HERC1: variants seen among roughly 807,000 people sequenced by gnomAD.
The protein encoded by HERC1 is probable E3 ubiquitin-protein ligase HERC1.
In HERC1, 160 loss-of-function variants were observed where a neutral mutation model predicts 554.3. The ratio of observed to expected loss-of-function variants is 0.29; its 90% CI spans 0.25 to 0.33. The LOEUF is 0.33. HERC1 is among the 10% of genes least tolerant of loss of function. The pLI, the probability that HERC1 is intolerant of heterozygous loss-of-function variation, is 1.00. For synonymous variants in HERC1, 2,175 were observed against 2,131.7 expected, an observed-to-expected ratio of 1.02 and a Z score of -0.56; for missense variants, 4,919 against 5,918.5, an observed-to-expected ratio of 0.83 and a Z score of 5.54.
At chr15:63,823,525 T>A (rs1194944642) in intron 1 of HERC1, among the ~76,000 whole-genome samples, 1 of 152,152 alleles carries the variant, frequency 6.6e-6, no homozygotes, top group East Asian at 1.9e-4. Flanking sequence ...AAAGAACAGA[T>A]CTAACTGGTG....
chr15:63,804,854 CA>C (rs1180654393), intron 1 of HERC1, among the ~76,000 whole-genome samples: 3 of 152,146 alleles, frequency 2.0e-5, no homozygotes, highest in Admixed American at 2.0e-4. Flanking sequence ...CACCATTAGT[CA>C]GTAGGGAAAT....
chr15:63,758,105 T>C lies in HERC1; in HGVS notation c.1221+70A>G. On this transcript the variant is annotated intron_variant, in intron 4 of 77. Coordinates refer to ENST00000443617, the MANE Select transcript of HERC1 (RefSeq NM_003922.4). The surrounding 1 kb of genome is among the most constrained non-coding windows in gnomAD (Gnocchi z 4.0). ...CACTCATTTAAAAAATACTCAGTAT[T>C]ATTTAATGCAAATAAGCATGAATAT... 1 of 1,092,140 alleles carries C rather than the reference T, an allele frequency of 9.2e-7. No individual in the cohort carries two copies. The highest frequency in any genetic ancestry group is 2.4e-5 in the East Asian group (1 of 41,804). The allele number at this position is 1,092,140 out of a possible 1,614,324, so 67.7% of individuals were successfully genotyped here.
At chr15:63,801,860 T>C (rs61082744) in intron 1 of HERC1, among the ~76,000 whole-genome samples, 1,610 of 152,298 alleles carry the variant, frequency 0.011, 22 homozygotes, top group African/African-American at 0.037. Context: ...GGCTTTTACC[T>C]ATCTCATATG....
Position 63,785,873 on chromosome 15 carries a change from T to C in HERC1, c.-26-10224A>G, listed in dbSNP as rs76630268. Among the ~76,000 whole-genome samples, 413 of 152,322 alleles carry C rather than the reference T, an allele frequency of 2.7e-3. 1 individual carries two copies. Among genetic ancestry groups the C allele is most frequent in the African/African-American group, 9.3e-3 (388 of 41,578 alleles). ...GATTGATATCTCAGAGAGATTATTC[T>C]TCTTTTTCTTTTTTAGAGACAGAGG... On this transcript the variant is annotated intron_variant, in intron 1 of 77. Coordinates refer to ENST00000443617, the MANE Select transcript of HERC1 (RefSeq NM_003922.4).
At chr15:63,616,812 T>G in intron 74 of HERC1, 130 bp from the exon 75 acceptor site, 1 of 783,238 alleles carries the variant, frequency 1.3e-6, no homozygotes, top group South Asian at 1.9e-5. Context: ...CACATAAGGC[T>G]AAAGTAATTA....
chr15:63,633,748 A>C lies in HERC1; in HGVS notation c.12693+100T>G, dbSNP rs188238959. The C allele has an allele frequency of 3.5e-4, 450 of 1,284,552 alleles. No homozygotes were observed. In the African/African-American group the frequency reaches 6.0e-3, roughly 17 times the overall value. 79.6% of individuals were successfully genotyped at this position (1,284,552 alleles called of 1,614,324 possible). ...CTTCTAAACTTCATTATGAACTACC[A>C]AAAGTACTAAAGGTAAATTATTTCC... On this transcript the variant is annotated intron_variant, in intron 67 of 77. Coordinates refer to ENST00000443617, the MANE Select transcript of HERC1 (RefSeq NM_003922.4).
chr15:63,647,999 G>A (rs2152872375), intron 55 of HERC1, 70 bp downstream of exon 55: 3 of 1,226,684 alleles, frequency 2.4e-6, no homozygotes, highest in Non-Finnish European at 3.5e-6. Flanking sequence ...CTTCTCCACT[G>A]TGTAATCTAT....
rs762208763 is a variant in HERC1, at chr15:63,674,459, G to A, written c.7729C>T (p.Arg2577Trp). 13 of 1,613,752 alleles carry A rather than the reference G, an allele frequency of 8.1e-6. No individual in the cohort carries two copies. The highest frequency in any genetic ancestry group is 1.7e-5 in the Admixed American group (1 of 59,978). Residue 2577 changes from arginine (R) to tryptophan (W), a missense_variant, in exon 38 of 78, where the codon CGG (arginine) becomes TGG (tryptophan). Physicochemically the swap from Arg to Trp is moderately radical, Grantham distance 101. Transcript: ENST00000443617. ...MRHMVKRAVM[R>W]SPIKRALGLA... ...CCCAATGCTCTCTTTATGGGTGACC[G>A]CATGACTGCTCGCTTCACCATGTGT...
At chr15:63,670,298 G>C (rs1002374987) in intron 39 of HERC1, among the ~76,000 whole-genome samples, 1 of 152,210 alleles carries the variant, frequency 6.6e-6, no homozygotes, top group Non-Finnish European at 1.5e-5. Flanking sequence ...GCATGGTCAG[G>C]GAAAGGTATT....
chr15:63,718,673 T>C lies in HERC1; in HGVS notation c.3879A>G (p.Leu1293=). Residue 1293 remains leucine (L), a synonymous_variant, in exon 21 of 78, where the codon TTA becomes TTG. Transcript: ENST00000443617. This position sits in a 1 kb window ranked among gnomAD's most constrained non-coding sequence, Gnocchi z 4.2. ...TGTATACACAACGGTACACTTCTGA[T>C]AAGTGTTTACCAGGTTGATATCTAA... ...GESRYQPGKH[L]SEVYRCVYKV... The C allele has an allele frequency of 6.2e-7, 1 of 1,603,242 alleles. No individual in the cohort carries two copies. Among genetic ancestry groups the C allele is most frequent in the African/African-American group, 1.3e-5 (1 of 74,972 alleles).
In HERC1 at chr15:63,696,233, G is replaced by A. The variant is rs2072404702; in HGVS notation, c.5012C>T (p.Ser1671Phe). ...CAGCCTCACAGACGTGAGTAGTGTG[G>A]AGGACTGGAAGCCTGAACTCAATCT... ...GSRLSSGFQS[S>F]TLLTSVRLQF... The change falls in exon 27 of 78, where the codon TCC (serine) becomes TTC (phenylalanine). Residue 1671 changes from serine (S) to phenylalanine (F), a missense_variant. By Grantham distance (155) the Ser-to-Phe change is radical. Around this residue, in one of 11 missense-constraint regions of HERC1, gnomAD observed 1,121 missense variants for 1,244.0 expected, o/e 0.90. Transcript: ENST00000443617. 1 of 1,613,350 alleles carries A rather than the reference G, an allele frequency of 6.2e-7. No homozygotes were observed. Among genetic ancestry groups the A allele is most frequent in the African/African-American group, 1.3e-5 (1 of 74,920 alleles).
intron 12 of HERC1, among the ~76,000 whole-genome samples, chr15:63,741,810 C>T (rs1216865073): frequency 6.6e-6 from 1 of 152,182 alleles, no homozygotes; most frequent in Non-Finnish European, 1.5e-5. Context: ...GAGTTTATTT[C>T]TAGACTCTTA....
intron 1 of HERC1, among the ~76,000 whole-genome samples, chr15:63,807,730 T>G (rs1453103292): frequency 6.6e-6 from 1 of 152,170 alleles, no homozygotes; most frequent in Non-Finnish European, 1.5e-5. Flanking sequence ...TCTGCTCTAG[T>G]CAGGTAGGAA....
rs993270855 is a variant in HERC1 at position 63,680,222 on chromosome 15, T to A, written c.6466-62A>T. ...ATAGAAATTTTTTTAATTCACAATA[T>A]CTAACCACATTAGAATTGAAAGCTT... On this transcript the variant is annotated intron_variant, in intron 35 of 77. Coordinates refer to ENST00000443617, the MANE Select transcript of HERC1 (RefSeq NM_003922.4). This position sits in a 1 kb window ranked among gnomAD's most constrained non-coding sequence, Gnocchi z 5.8. 11 of 1,222,534 alleles carry A rather than the reference T, an allele frequency of 9.0e-6. No homozygotes were observed. Among genetic ancestry groups the A allele is most frequent in the Admixed American group, 1.9e-5 (1 of 53,028 alleles). The allele number at this position is 1,222,534 out of a possible 1,614,324, so 75.7% of individuals were successfully genotyped here.
rs776865501 is a variant in HERC1 at position 63,635,957 on chromosome 15, T to C, written c.12414+4A>G. ...AAGGCAAACTTATCCATTTCCTGCCTGACCTGCACCACTTCTTCTCCTTGT... is the reference window on the plus strand; with the variant it reads ...AAGGCAAACTTATCCATTTCCTGCCCGACCTGCACCACTTCTTCTCCTTGT... On this transcript the variant is annotated splice_donor_region_variant and intron_variant, in intron 65 of 77. Transcript: ENST00000443617. 1 of 1,613,536 alleles carries C rather than the reference T, an allele frequency of 6.2e-7. No individual in the cohort carries two copies. Among genetic ancestry groups the C allele is most frequent in the East Asian group, 2.2e-5 (1 of 44,886 alleles).
chr15:63,732,201 ATATCGGCCAGGCTGG>A (rs2074326448), intron 14 of HERC1, among the ~76,000 whole-genome samples: 1 of 152,140 alleles, frequency 6.6e-6, no homozygotes, highest in African/African-American at 2.4e-5. Context: ...GGGTTTCACC[ATATCGGCCAGGCTGG>A]TCTCAAACTC....
chr15:63,812,499 A>G (rs1276224289), intron 1 of HERC1, among the ~76,000 whole-genome samples: 1 of 152,212 alleles, frequency 6.6e-6, no homozygotes, highest in Non-Finnish European at 1.5e-5. Context: ...CACACTATAA[A>G]GATCTGATTC....
At chr15:63,738,879 C>T (rs570495242) in intron 12 of HERC1, among the ~76,000 whole-genome samples, 66 of 152,192 alleles carry the variant, frequency 4.3e-4, no homozygotes, top group African/African-American at 1.5e-3. Context: ...TACACTACCC[C>T]GTTTCTGATA....
chr15:63,643,557 T>C lies in HERC1; in HGVS notation c.11185-7A>G. 2 of 1,554,268 alleles carry C rather than the reference T, an allele frequency of 1.3e-6. No homozygotes were observed. The highest frequency in any genetic ancestry group is 1.7e-6 in the Non-Finnish European group (2 of 1,147,722). ...ATGATTTCCTATATCCATCCTGAAA[T>C]TCATTATTTTTAACATGCATTAAAA... On this transcript the variant is annotated splice_region_variant and splice_polypyrimidine_tract_variant and intron_variant, in intron 57 of 77. Transcript: ENST00000443617.
Sources: gnomAD v4.1 joint callset for allele counts (sites outside exome capture counted in the v4.1 genomes callset) on GRCh38, gnomAD v4.1.1 for gene constraint, gnomAD v4.1.1 regional missense constraint, Gnocchi (gnomAD v3.1) non-coding constraint, MANE v1.5 for transcripts, NCBI Gene and HGNC (gene_info 2026-07-23, HGNC 2026-07-21) for gene names.